Variants in SEPTIN8 observed in about 807,000 individuals in gnomAD.
SEPTIN8 encodes the protein septin 8, also known as septin-8.
A neutral mutation model predicts 53.1 loss-of-function variants in SEPTIN8; 22 were observed. The ratio of observed to expected loss-of-function variants is 0.41; its 90% CI spans 0.30 to 0.59. The LOEUF (loss-of-function observed/expected upper bound fraction) is 0.59. Ranked by LOEUF, SEPTIN8 falls within the 20% of genes least tolerant of loss-of-function variation. The pLI is 0.24. For missense variants in SEPTIN8, 536 were observed against 638.7 expected (o/e 0.84, Z 1.73); for synonymous variants, 228 against 248.4 (o/e 0.92, Z 0.77).
At chr5:132,778,082 T>TA (rs905959073), upstream of SEPTIN8, 10 of 985,378 alleles carry the variant, frequency 1.0e-5, no homozygotes, top group Non-Finnish European at 1.2e-5. Context: ...AATTAACACT[T>TA]ACGCCAGGGT....
At chr5:132,758,803 T>C in intron 9 of SEPTIN8, 9 of 1,614,156 alleles carry the variant, frequency 5.6e-6, no homozygotes, top group Non-Finnish European at 7.6e-6. Context: ...ACTCTTGACA[T>C]GTAAGTCTGT....
intron 1 of SEPTIN8, chr5:132,774,171 G>T (rs1757582731): frequency 6.0e-6 from 1 of 166,898 alleles, no homozygotes; most frequent in African/African-American, 2.4e-5. Flanking sequence ...TCTTGGGGAA[G>T]TATCAAGATT....
At chr5:132,753,964 T>TTTG (rs1561732861) in intron 9 of SEPTIN8, 3 of 149,708 alleles carry the variant, frequency 2.0e-5, no homozygotes, top group African/African-American at 7.5e-5. Flanking sequence ...TGGTTTTTTT[T>TTTG]TTTTTTTTTT....
intron 4 of SEPTIN8, among the ~76,000 whole-genome samples, chr5:132,763,418 C>T (rs1449141785): frequency 6.6e-6 from 1 of 152,288 alleles, no homozygotes; most frequent in Admixed American, 6.5e-5. Flanking sequence ...GGGGAACAAA[C>T]ACTATCGGGA....
chr5:132,777,037 C>A lies in SEPTIN8; in HGVS notation c.30+71G>T, dbSNP rs563051492. ...CGCTGACAGCCCGCTTCGCGCCCCC[C>A]GCCAGCTGCAGGGCGGCCCCTCCTG... is the stretch of plus-strand genomic sequence containing the variant. On this transcript the variant is annotated intron_variant, in intron 1 of 9. Coordinates refer to ENST00000378719, the MANE Select transcript of SEPTIN8 (RefSeq NM_001098811.2). The surrounding 1 kb of genome is among the most constrained non-coding windows in gnomAD (Gnocchi z 4.1). The A allele has an allele frequency of 1.8e-5, 18 of 996,542 alleles. No homozygotes were observed. In the East Asian group the frequency reaches 4.6e-4, roughly 26 times the overall value. The allele number at this position is 996,542 out of a possible 1,614,324, so 61.7% of individuals were successfully genotyped here.
chr5:132,772,288 T>C (rs2150001627), intron 1 of SEPTIN8, among the ~76,000 whole-genome samples: 1 of 152,272 alleles, frequency 6.6e-6, no homozygotes, highest in East Asian at 1.9e-4. Flanking sequence ...AAAATCAGAT[T>C]TCCAGGAAGC....
At position 132,773,899 on chromosome 5, in the gene SEPTIN8, G is replaced by C. The variant is rs1757552453; in HGVS notation, c.30+3209C>G. 6.6e-6 allele frequency: 1 copy of C among 152,328 alleles called. No individual in the cohort carries two copies. The highest frequency in any genetic ancestry group is 2.4e-5 in the African/African-American group (1 of 41,466). 9.4% of individuals were successfully genotyped at this position (152,328 alleles called of 1,614,324 possible). On this transcript the variant is annotated intron_variant, in intron 1 of 9. Coordinates refer to ENST00000378719, the MANE Select transcript of SEPTIN8 (RefSeq NM_001098811.2). The surrounding 1 kb of genome is among the most constrained non-coding windows in gnomAD (Gnocchi z 4.2). ...ACATAGCATGGTCTGATGCCCAAGAGAGAGGGAGGGCAGGCAGACTCACCT... is the reference window on the plus strand; with the variant it reads ...ACATAGCATGGTCTGATGCCCAAGACAGAGGGAGGGCAGGCAGACTCACCT...
intron 9 of SEPTIN8, chr5:132,753,026 GACTA>G (rs1270259972): frequency 5.9e-6 from 8 of 1,354,078 alleles, no homozygotes; most frequent in African/African-American, 1.4e-5. Flanking sequence ...TCCTTGCTTG[GACTA>G]CCATGAGTTC....
chr5:132,779,727 T>C (rs1758012862), upstream of SEPTIN8, among the ~76,000 whole-genome samples: 1 of 152,246 alleles, frequency 6.6e-6, no homozygotes, highest in African/African-American at 2.4e-5. Flanking sequence ...ATATTGTGTT[T>C]GTGAGAAAAG....
intron 9 of SEPTIN8, chr5:132,757,566 CTG>C (rs1197997524): frequency 1.0e-6 from 1 of 985,400 alleles, no homozygotes; most frequent in African/African-American, 1.7e-5. Flanking sequence ...GTAGGCTAGA[CTG>C]TGAGCTCCTT....
At chr5:132,756,045 G>A in intron 9 of SEPTIN8, 1 of 985,228 alleles carries the variant, frequency 1.0e-6, no homozygotes. Flanking sequence ...TAAGTACAAA[G>A]TGAATGGAAA....
In SEPTIN8 at chr5:132,751,323, G is replaced by A. The variant is rs1754826405; in HGVS notation, c.*693C>T. The A allele has an allele frequency of 4.2e-6, 1 of 235,448 alleles. No individual in the cohort carries two copies. Among genetic ancestry groups the A allele is most frequent in the Admixed American group, 5.1e-5 (1 of 19,788 alleles). 14.6% of individuals were successfully genotyped at this position (235,448 alleles called of 1,614,324 possible). ...CTATGAATACTGTACATAAATATCT[G>A]TCTGCTTTTGCTACACTTTACACAC... On this transcript the variant is annotated 3_prime_UTR_variant, in exon 10 of 10. Coordinates refer to ENST00000378719, the MANE Select transcript of SEPTIN8 (RefSeq NM_001098811.2).
Position 132,751,414 on chromosome 5 carries a change from G to T in SEPTIN8, c.*602C>A. 1 of 183,974 alleles carries T rather than the reference G, an allele frequency of 5.4e-6. No homozygotes were observed. The highest frequency in any genetic ancestry group is 1.6e-4 in the East Asian group (1 of 6,270). The allele number at this position is 183,974 out of a possible 1,614,324, so 11.4% of individuals were successfully genotyped here. A position where few individuals can be genotyped will look rare whatever the true frequency, so the allele number is the denominator to read the frequency against. On this transcript the variant is annotated 3_prime_UTR_variant, in exon 10 of 10. Coordinates refer to ENST00000378719, the MANE Select transcript of SEPTIN8 (RefSeq NM_001098811.2). ...TTGAAGCTTTAGACCATATTGATCT[G>T]GCACTTAAAAAAATATCATACATTA... is the stretch of plus-strand genomic sequence containing the variant.
In SEPTIN8 at chr5:132,761,138, T is replaced by C; in HGVS notation, c.1090A>G (p.Arg364Gly). The C allele has an allele frequency of 1.9e-6, 3 of 1,614,202 alleles. No individual in the cohort carries two copies. Among genetic ancestry groups the C allele is most frequent in the Non-Finnish European group, 2.5e-6 (3 of 1,180,034 alleles). ...GCCCCCAGCCTGGCACATACCTCCC[T>C]TTCCTTCTCCTTCAGCTCCAGCTCT... Reference protein sequence around the residue: ...ETELELKEKERELHEKFEHLK... With the variant: ...ETELELKEKEGELHEKFEHLK... Residue 364 changes from arginine (R) to glycine (G), a missense_variant, in exon 8 of 10, where the codon AGG becomes GGG. Around this residue, in one of 3 missense-constraint regions of SEPTIN8, gnomAD observed 8 missense variants for 29.5 expected, o/e 0.27. Transcript: ENST00000378719. This position sits in a 1 kb window ranked among gnomAD's most constrained non-coding sequence, Gnocchi z 5.8.
intron 9 of SEPTIN8, chr5:132,758,059 G>A (rs757137806): frequency 9.0e-6 from 9 of 997,608 alleles, no homozygotes; most frequent in Non-Finnish European, 1.1e-5. Context: ...GCTTTGGGCT[G>A]CTGTTCCATT....
chr5:132,758,424 G>C, intron 9 of SEPTIN8: 2 of 1,565,894 alleles, frequency 1.3e-6, no homozygotes, highest in South Asian at 1.2e-5. Flanking sequence ...GCTGCACCTA[G>C]GGCACCACGT....
rs777269583 is a variant in SEPTIN8, at chr5:132,750,998, G to C, written c.*1018C>G. 1 of 1,613,356 alleles carries C rather than the reference G, an allele frequency of 6.2e-7. No homozygotes were observed. Among genetic ancestry groups the C allele is most frequent in the African/African-American group, 1.3e-5 (1 of 75,002 alleles). ...GACGCCGCTGGACTTCTTGACTATA[G>C]TGAGTAAGGAGGTGTTTACAGAGTC... On this transcript the variant is annotated 3_prime_UTR_variant, in exon 10 of 10. Transcript: ENST00000378719.
chr5:132,765,117 T>A (rs1019464577), intron 2 of SEPTIN8, among the ~76,000 whole-genome samples: 1 of 152,050 alleles, frequency 6.6e-6, no homozygotes, highest in Non-Finnish European at 1.5e-5. Context: ...GTTTTTTAAA[T>A]GAACAAACAA....
Position 132,751,861 on chromosome 5 carries a change from C to T in SEPTIN8, c.*155G>A, listed in dbSNP as rs1219635520. 1 of 1,342,364 alleles carries T rather than the reference C, an allele frequency of 7.4e-7. No homozygotes were observed. Among genetic ancestry groups the T allele is most frequent in the East Asian group, 2.5e-5 (1 of 39,894 alleles). 83.2% of individuals were successfully genotyped at this position (1,342,364 alleles called of 1,614,324 possible). ...GATAGGAATGAAAAGGGTTGGGCAACATTTGATGTTCCCTGATGGAAATTT... is the reference window on the plus strand; with the variant it reads ...GATAGGAATGAAAAGGGTTGGGCAATATTTGATGTTCCCTGATGGAAATTT... On this transcript the variant is annotated 3_prime_UTR_variant, in exon 10 of 10. Coordinates refer to ENST00000378719, the MANE Select transcript of SEPTIN8 (RefSeq NM_001098811.2).
Sources: allele counts gnomAD v4.1 joint callset (sites outside exome capture counted in the v4.1 genomes callset), GRCh38; gene constraint gnomAD v4.1.1; regional missense constraint gnomAD v4.1.1; non-coding constraint Gnocchi (gnomAD v3.1); transcripts MANE v1.5; gene names NCBI Gene and HGNC (gene_info 2026-07-23, HGNC 2026-07-21).